The following VASN variants were observed in gnomAD, a reference collection of about 807,000 sequenced individuals.
The protein encoded by VASN is vasorin.
Under a neutral mutation model 4.8 loss-of-function variants are expected in VASN, and 5 were observed. The observed-to-expected ratio is 1.03, with a 90% confidence interval of 0.54 to 2.17. VASN has a LOEUF of 2.17. Ranked by LOEUF, VASN falls within the 30% of genes most tolerant of loss-of-function variation. The probability of loss-of-function intolerance (pLI) is 0.01; values close to 1 mark genes in which losing one functional copy is unlikely to be tolerated. For missense variants in VASN, 927 were observed against 948.8 expected, an observed-to-expected ratio of 0.98 and a Z score of 0.30; for synonymous variants, 499 against 460.8, an observed-to-expected ratio of 1.08 and a Z score of -1.06.
In VASN at chr16:4,383,461, T is replaced by C. The variant is rs1238141552; in HGVS notation, c.*562T>C. ...TTTTCAAACTCAGAGACAAGGACTT[T>C]GGTTTTTGTAAGACAAACGATGATA... is the stretch of plus-strand genomic sequence containing the variant. On this transcript the variant is annotated 3_prime_UTR_variant, in exon 2 of 2. Coordinates refer to ENST00000304735, the MANE Select transcript of VASN (RefSeq NM_138440.3). 1 of 167,102 alleles carries C rather than the reference T, an allele frequency of 6.0e-6. No individual in the cohort carries two copies. The highest frequency in any genetic ancestry group is 1.5e-5 in the Non-Finnish European group (1 of 68,128). 10.4% of individuals were successfully genotyped at this position (167,102 alleles called of 1,614,324 possible).
chr16:4,382,602 G>A lies in VASN; in HGVS notation c.1725G>A (p.Pro575=), dbSNP rs559668575. ...PVTQAREGNL[P]LLIAPALAAV... is the part of the protein sequence containing the mutation. ...CCCAGGCCCGCGAGGGCAACCTGCC[G>A]CTCCTCATTGCGCCCGCCCTGGCCG... Residue 575 remains proline, a synonymous_variant, in exon 2 of 2, where the codon CCG becomes CCA. Transcript: ENST00000304735. The A allele has an allele frequency of 2.1e-5, 33 of 1,588,910 alleles. No homozygotes were observed. The highest frequency in any genetic ancestry group is 4.0e-5 in the African/African-American group (3 of 74,322).
chr16:4,373,296 G>T (rs764636986), intron 1 of VASN, among the ~76,000 whole-genome samples: 10 of 152,078 alleles, frequency 6.6e-5, no homozygotes, highest in Non-Finnish European at 1.2e-4. Flanking sequence ...CCTCCCCTGG[G>T]CCTGGGGAGG....
intron 1 of VASN, among the ~76,000 whole-genome samples, chr16:4,375,623 G>T (rs2054692791): frequency 1.3e-5 from 2 of 152,224 alleles, no homozygotes; most frequent in African/African-American, 4.8e-5. Context: ...AAGTAGCTGG[G>T]ACTACAGGCG....
intron 1 of VASN, among the ~76,000 whole-genome samples, chr16:4,380,418 A>G (rs2054914413): frequency 6.6e-6 from 1 of 152,232 alleles, no homozygotes; most frequent in Non-Finnish European, 1.5e-5. Flanking sequence ...TGGCAGCAGG[A>G]GCCGGCGGCC....
At chr16:4,380,736 C>T in intron 1 of VASN, 133 bp from the exon 2 acceptor site, 4 of 1,046,164 alleles carry the variant, frequency 3.8e-6, no homozygotes, top group Admixed American at 6.2e-5. Context: ...GCACTGGCGA[C>T]CTGACTCATA....
chr16:4,381,304 G>A lies in VASN; in HGVS notation c.427G>A (p.Ala143Thr), dbSNP rs761586779. 2.5e-6 allele frequency: 4 copies of A among 1,612,186 alleles called. No individual in the cohort carries two copies. Among genetic ancestry groups the A allele is most frequent in the Admixed American group, 1.7e-5 (1 of 59,964 alleles). The change falls in exon 2 of 2, where the codon GCC (alanine) becomes ACC (threonine). Residue 143 changes from alanine to threonine, a missense_variant. Physicochemically the swap from Ala to Thr is moderately conservative, Grantham distance 58. Transcript: ENST00000304735. ...KNRIRHIQPG[A>T]FDTLDRLLEL... Reference sequence around the variant, plus strand: ...CCGCATCCGCCACATCCAGCCTGGTGCCTTCGACACGCTCGACCGCCTCCT... The same window carrying A: ...CCGCATCCGCCACATCCAGCCTGGTACCTTCGACACGCTCGACCGCCTCCT...
In VASN at chr16:4,382,782, G is replaced by A. The variant is rs1232773567; in HGVS notation, c.1905G>A (p.Pro635=). ...EGVKVPLEPG[P]KATEGGGEAL... is the part of the protein sequence containing the mutation. ...TGAAGGTCCCCTTGGAGCCAGGCCC[G>A]AAGGCAACAGAGGGCGGTGGAGAGG... The change falls in exon 2 of 2, where the codon CCG becomes CCA. Residue 635 remains proline, a synonymous_variant. Transcript: ENST00000304735. 5.1e-6 allele frequency: 8 copies of A among 1,579,014 alleles called. No homozygotes were observed. The highest frequency in any genetic ancestry group is 4.0e-5 in the African/African-American group (3 of 74,148).
At chr16:4,380,269 C>T (rs1054169964) in intron 1 of VASN, among the ~76,000 whole-genome samples, 2 of 152,208 alleles carry the variant, frequency 1.3e-5, no homozygotes, top group African/African-American at 2.4e-5. Flanking sequence ...GGAACCTTCC[C>T]GCCGGCCACT....
In VASN at chr16:4,381,744, CCTGCGG is replaced by C; in HGVS notation, c.872_877del (p.Arg291_Leu292del). On this transcript the variant is annotated inframe_deletion, in exon 2 of 2. Transcript: ENST00000304735. ...GCGACCTCTCGGGCCTCTTCCCCCGCCTGCGGCTGCTGGCAGCTGCCCGCAACCCCT... is the reference window on the plus strand; with the variant it reads ...GCGACCTCTCGGGCCTCTTCCCCCGCCTGCTGGCAGCTGCCCGCAACCCCT... 6.2e-7 allele frequency: 1 copy of C among 1,604,410 alleles called. No homozygotes were observed. The highest frequency in any genetic ancestry group is 2.2e-5 in the East Asian group (1 of 44,862).
In VASN at chr16:4,381,369, C is replaced by G. The variant is rs1204183641; in HGVS notation, c.492C>G (p.Pro164=). The part of the protein sequence containing the change: ...KLQDNELRAL[P]PLRLPRLLLL... ...AGGACAACGAGCTGCGGGCACTGCC[C>G]CCGCTGCGCCTGCCCCGCCTGCTGC... Residue 164 remains proline (P), a synonymous_variant, in exon 2 of 2, where the codon CCC becomes CCG. Transcript: ENST00000304735. The G allele has an allele frequency of 6.3e-7, 1 of 1,592,746 alleles. No individual in the cohort carries two copies. Among genetic ancestry groups the G allele is most frequent in the Non-Finnish European group, 8.5e-7 (1 of 1,171,788 alleles).
intron 1 of VASN, 136 bp from the exon 2 acceptor site, chr16:4,380,733 C>T (rs571735496): frequency 1.4e-5 from 14 of 1,010,530 alleles, no homozygotes; most frequent in South Asian, 7.0e-5. Flanking sequence ...GGGGCACTGG[C>T]GACCTGACTC....
In VASN at chr16:4,380,910, G is replaced by C; in HGVS notation, c.33G>C (p.Leu11=). Residue 11 remains leucine (L), a synonymous_variant, in exon 2 of 2, where the codon CTG becomes CTC. Coordinates refer to ENST00000304735, the MANE Select transcript of VASN (RefSeq NM_138440.3). ...CCAGGGTCCCTCTGCTGCTGCCGCT[G>C]CTCCTGCTACTGGCCCTGGGGCCTG... MCSRVPLLLP[L]LLLLALGPGV... The C allele has an allele frequency of 6.4e-7, 1 of 1,562,872 alleles. No individual in the cohort carries two copies.
intron 1 of VASN, among the ~76,000 whole-genome samples, chr16:4,375,439 C>T (rs770900546): frequency 4.6e-5 from 7 of 152,232 alleles, no homozygotes; most frequent in Non-Finnish European, 7.3e-5. Flanking sequence ...GCGGAGGACT[C>T]GCTCAAGGAG....
At chr16:4,372,094 C>T (rs12927417) in intron 1 of VASN, 101 bp downstream of exon 1, 1 of 151,638 alleles carries the variant, frequency 6.6e-6, no homozygotes, top group Non-Finnish European at 1.5e-5. Flanking sequence ...CACACGCACT[C>T]TCGGGCGGGA....
At chr16:4,374,187 G>A (rs1307233706) in intron 1 of VASN, among the ~76,000 whole-genome samples, 1 of 151,966 alleles carries the variant, frequency 6.6e-6, no homozygotes, top group African/African-American at 2.4e-5. Flanking sequence ...CTGTGTATTT[G>A]GGGGTGGGTG....
At chr16:4,379,256 G>A (rs2054866184) in intron 1 of VASN, among the ~76,000 whole-genome samples, 1 of 152,076 alleles carries the variant, frequency 6.6e-6, no homozygotes, top group Non-Finnish European at 1.5e-5. Flanking sequence ...CCACTGGGCA[G>A]GATGCTTCCT....
At position 4,383,497 on chromosome 16, in the gene VASN, T is replaced by C. The variant is rs1050745005; in HGVS notation, c.*598T>C. On this transcript the variant is annotated 3_prime_UTR_variant, in exon 2 of 2. Coordinates refer to ENST00000304735, the MANE Select transcript of VASN (RefSeq NM_138440.3). ...AGACAAACGATGATATGAAGGCCTTTTGTAAGAAAAAATAAAAGATGAAGT... is the reference window on the plus strand; with the variant it reads ...AGACAAACGATGATATGAAGGCCTTCTGTAAGAAAAAATAAAAGATGAAGT... 16 of 167,104 alleles carry C rather than the reference T, an allele frequency of 9.6e-5. No individual in the cohort carries two copies. Among genetic ancestry groups the C allele is most frequent in the African/African-American group, 3.8e-4 (16 of 41,582 alleles). 10.4% of individuals were successfully genotyped at this position (167,104 alleles called of 1,614,324 possible).
At position 4,382,712 on chromosome 16, in the gene VASN, AAGGGCAGGTGGGGCC is replaced by A; in HGVS notation, c.1840_1854del (p.Gln614_Gly618del). The stretch of plus-strand genomic sequence containing the variant: ...GCCATGGCAGCAGCGGCTCAGGACA[AAGGGCAGGTGGGGCC>A]AGGGGCTGGGCCCCTGGAACTGGAG... On this transcript the variant is annotated inframe_deletion, in exon 2 of 2. Coordinates refer to ENST00000304735, the MANE Select transcript of VASN (RefSeq NM_138440.3). 1 of 1,551,022 alleles carries A rather than the reference AAGGGCAGGTGGGGCC, an allele frequency of 6.4e-7. No individual in the cohort carries two copies. The highest frequency in any genetic ancestry group is 1.2e-5 in the South Asian group (1 of 84,512).
At chr16:4,375,917 CAG>C (rs1385676869) in intron 1 of VASN, among the ~76,000 whole-genome samples, 2 of 152,170 alleles carry the variant, frequency 1.3e-5, no homozygotes, top group African/African-American at 4.8e-5. Context: ...GACGGAAGCC[CAG>C]AGAGGGGAGC....
Sources: gnomAD v4.1 joint callset for allele counts (sites outside exome capture counted in the v4.1 genomes callset) on GRCh38, gnomAD v4.1.1 for gene constraint, MANE v1.5 for transcripts, NCBI Gene and HGNC (gene_info 2026-07-23, HGNC 2026-07-21) for gene names.